The following CNBD1 variants were observed in gnomAD, a reference collection of about 807,000 sequenced individuals.
The protein encoded by CNBD1 is cyclic nucleotide binding domain containing 1, also known as cyclic nucleotide-binding domain-containing protein 1.
In CNBD1, 71 loss-of-function variants were observed where a neutral mutation model predicts 54.4. The ratio of observed to expected loss-of-function variants is 1.30; its 90% CI spans 1.08 to 1.59. The LOEUF is 1.59. Among genes scored for constraint, CNBD1 ranks in the 40% most tolerant of loss-of-function variants. The probability of loss-of-function intolerance (pLI) is 0.00; values close to 1 mark genes in which losing one functional copy is unlikely to be tolerated. For synonymous variants in CNBD1, 182 were observed against 170.7 expected (o/e 1.07, Z -0.51); for missense variants, 659 against 518.0 (o/e 1.27, Z -2.64).
At chr8:87,098,706 C>G (rs954027367) in intron 4 of CNBD1, among the ~76,000 whole-genome samples, 1 of 148,756 alleles carries the variant, frequency 6.7e-6, no homozygotes, top group Non-Finnish European at 1.5e-5. Flanking sequence ...GTATTAGACA[C>G]TACTTTTGGT....
chr8:87,247,288 G>A (rs965647940), intron 6 of CNBD1, among the ~76,000 whole-genome samples: 8 of 152,240 alleles, frequency 5.3e-5, no homozygotes, highest in South Asian at 4.1e-4. Context: ...TTCCTTCCCA[G>A]TTAAGGGCTC....
Position 87,253,176 on chromosome 8 carries a change from C to G in CNBD1, c.771+16064C>G, listed in dbSNP as rs111966853. On this transcript the variant is annotated intron_variant, in intron 6 of 10. Transcript: ENST00000518476. ...AATATATTCTCTTTTTCCCTTTACT[C>G]ACTTATCAGGGCCACTCCCCACCCT... Among the ~76,000 whole-genome samples the G allele has an allele frequency of 8.5e-4, 129 of 152,224 alleles. 1 individual carries two copies. The highest frequency in any genetic ancestry group is 3.1e-3 in the African/African-American group (127 of 41,556).
chr8:86,878,593 T>A (rs918440910), intron 1 of CNBD1, among the ~76,000 whole-genome samples: 4 of 142,002 alleles, frequency 2.8e-5, no homozygotes, highest in Non-Finnish European at 6.1e-5. Context: ...AAAAAAAAAA[T>A]GAGTGTTATG....
chr8:87,151,571 T>G (rs1433398515), intron 4 of CNBD1, among the ~76,000 whole-genome samples: 1 of 152,166 alleles, frequency 6.6e-6, no homozygotes, highest in Non-Finnish European at 1.5e-5. Context: ...CTAGCCACTC[T>G]GGGGCTATTC....
chr8:87,233,059 G>C (rs1807479275), intron 5 of CNBD1, among the ~76,000 whole-genome samples: 1 of 151,946 alleles, frequency 6.6e-6, no homozygotes, highest in Non-Finnish European at 1.5e-5. Flanking sequence ...ATGTATATTA[G>C]TTTTAAAATT....
At chr8:87,170,500 T>C (rs1813063459) in intron 4 of CNBD1, among the ~76,000 whole-genome samples, 1 of 138,742 alleles carries the variant, frequency 7.2e-6, no homozygotes, top group Non-Finnish European at 1.7e-5. Context: ...ATGTTCCCAA[T>C]CTTGGAGGAA....
intron 4 of CNBD1, among the ~76,000 whole-genome samples, chr8:87,010,598 A>C (rs1360043430): frequency 6.6e-6 from 1 of 152,036 alleles, no homozygotes; most frequent in Non-Finnish European, 1.5e-5. Context: ...AAATACAAAA[A>C]TCCAGGCCTG....
At chr8:87,365,153 C>T (rs888607160) in intron 10 of CNBD1, among the ~76,000 whole-genome samples, 1 of 151,992 alleles carries the variant, frequency 6.6e-6, no homozygotes. Flanking sequence ...TTGCCAGCAT[C>T]TGTTATTTTT....
intron 4 of CNBD1, among the ~76,000 whole-genome samples, chr8:87,067,501 A>T (rs1810678284): frequency 6.6e-6 from 1 of 152,024 alleles, no homozygotes; most frequent in Admixed American, 6.6e-5. Context: ...AAATTTCATG[A>T]GATACAGTGT....
intron 1 of CNBD1, among the ~76,000 whole-genome samples, chr8:86,875,941 G>T (rs1193183134): frequency 6.6e-6 from 1 of 151,948 alleles, no homozygotes; most frequent in Non-Finnish European, 1.5e-5. Context: ...TTAATATGTT[G>T]CCGGGCACTA....
chr8:86,966,687 G>A (rs1197483751), intron 4 of CNBD1, among the ~76,000 whole-genome samples: 2 of 152,102 alleles, frequency 1.3e-5, no homozygotes, highest in Non-Finnish European at 2.9e-5. Context: ...TAGTTCCTCC[G>A]GATAGGTTTG....
intron 4 of CNBD1, among the ~76,000 whole-genome samples, chr8:87,183,011 T>G: frequency 6.6e-6 from 1 of 152,170 alleles, no homozygotes; most frequent in Admixed American, 6.6e-5. Flanking sequence ...CCTAGTTTTT[T>G]CTAGGGTTCT....
chr8:87,348,728 G>A (rs1008898110), intron 8 of CNBD1, among the ~76,000 whole-genome samples: 1 of 152,160 alleles, frequency 6.6e-6, no homozygotes, highest in Non-Finnish European at 1.5e-5. Context: ...TTTAAACTGA[G>A]ACCTTCACTA....
At chr8:87,354,515 C>A (rs1388062560) in intron 10 of CNBD1, among the ~76,000 whole-genome samples, 2 of 151,996 alleles carry the variant, frequency 1.3e-5, no homozygotes, top group East Asian at 3.9e-4. Flanking sequence ...ATTAACTCGT[C>A]ATTTAGCATT....
chr8:87,331,194 G>A (rs1019287275), intron 8 of CNBD1, among the ~76,000 whole-genome samples: 6 of 152,036 alleles, frequency 3.9e-5, no homozygotes, highest in Non-Finnish European at 7.4e-5. Flanking sequence ...TTAGCTATCT[G>A]TCCTGAGGCT....
chr8:87,324,436 GCT>G (rs1276067109), intron 8 of CNBD1, among the ~76,000 whole-genome samples: 6 of 139,808 alleles, frequency 4.3e-5, no homozygotes, highest in Non-Finnish European at 6.4e-5. Context: ...CTGGTCCTGG[GCT>G]CTTTTTGGTT....
chr8:87,353,680 G>T lies in CNBD1; in HGVS notation c.1197G>T (p.Lys399Asn). The T allele has an allele frequency of 1.9e-6, 3 of 1,604,414 alleles. No individual in the cohort carries two copies. Among genetic ancestry groups the T allele is most frequent in the Non-Finnish European group, 2.6e-6 (3 of 1,175,814 alleles). ...KLVYMGKLKE[K>N]ESFGEISVLL... ...TTTATATGGGGAAACTTAAGGAGAA[G>T]GAGTCCTTTGGTGAGATTAGCGTCC... Residue 399 changes from lysine (K) to asparagine (N), a missense_variant, in exon 10 of 11, where the codon AAG (lysine) becomes AAT (asparagine). Transcript: ENST00000518476.
At chr8:86,961,226 C>G (rs1807920477) in intron 4 of CNBD1, among the ~76,000 whole-genome samples, 1 of 152,136 alleles carries the variant, frequency 6.6e-6, no homozygotes, top group Admixed American at 6.6e-5. Flanking sequence ...TACAAGCTTA[C>G]CAGTTTTACT....
intron 6 of CNBD1, among the ~76,000 whole-genome samples, chr8:87,276,710 G>A (rs1265641587): frequency 1.3e-5 from 2 of 151,782 alleles, no homozygotes; most frequent in African/African-American, 2.4e-5. Context: ...AGCAATCAAG[G>A]GAACCAAGAT....
Sources: gnomAD v4.1 joint callset for allele counts (sites outside exome capture counted in the v4.1 genomes callset) on GRCh38, gnomAD v4.1.1 for gene constraint, MANE v1.5 for transcripts, NCBI Gene and HGNC (gene_info 2026-07-23, HGNC 2026-07-21) for gene names.